LRRC20: variants seen among roughly 807,000 people sequenced by gnomAD.
The protein encoded by LRRC20 is leucine-rich repeat-containing protein 20.
LRRC20 carries 11 observed loss-of-function variants against 14.4 expected under a neutral mutation model. That is an observed-to-expected ratio of 0.77 (90% CI 0.48 to 1.27). The LOEUF (loss-of-function observed/expected upper bound fraction) is 1.27, where lower values mean the gene tolerates loss of function less well. Among genes scored for constraint, LRRC20 ranks in the 50% most tolerant of loss-of-function variants. The pLI is 0.00. For synonymous variants in LRRC20, 121 were observed against 107.3 expected (o/e 1.13, Z -0.79); for missense variants, 219 against 251.2 (o/e 0.87, Z 0.87).
chr10:70,347,378 A>G (rs1843113509), intron 2 of LRRC20, among the ~76,000 whole-genome samples: 2 of 152,080 alleles, frequency 1.3e-5, no homozygotes, highest in African/African-American at 4.8e-5. Context: ...AAGCCATGCA[A>G]GTTATTTCCA....
chr10:70,301,931 T>C (rs1442175608), intron 4 of LRRC20, among the ~76,000 whole-genome samples: 1 of 152,206 alleles, frequency 6.6e-6, no homozygotes, highest in Non-Finnish European at 1.5e-5. Flanking sequence ...TCCATATATA[T>C]GTCCATATAT....
At position 70,299,891 on chromosome 10, in the gene LRRC20, TC is replaced by T. The variant is rs1306804893; in HGVS notation, c.*1462del. 2 of 152,270 alleles carry T rather than the reference TC, an allele frequency of 1.3e-5. No homozygotes were observed. Among genetic ancestry groups the T allele is most frequent in the East Asian group, 3.8e-4 (2 of 5,198 alleles). 9.4% of individuals were successfully genotyped at this position (152,270 alleles called of 1,614,324 possible). On this transcript the variant is annotated 3_prime_UTR_variant, in exon 5 of 5. Coordinates refer to ENST00000446961, the MANE Select transcript of LRRC20 (RefSeq NM_001278212.2). ...CCCAACAATGGCCCGACCTATCAGT[TC>T]CTTCCCAAGAGACAAGAGACCTGGG...
intron 4 of LRRC20, among the ~76,000 whole-genome samples, chr10:70,316,540 A>G (rs959901908): frequency 1.3e-5 from 2 of 152,260 alleles, no homozygotes; most frequent in African/African-American, 4.8e-5. Context: ...TGGTTCATCC[A>G]GGTTTCACCA....
At chr10:70,325,905 A>C (rs920525409) in intron 3 of LRRC20, among the ~76,000 whole-genome samples, 1 of 151,982 alleles carries the variant, frequency 6.6e-6, no homozygotes, top group African/African-American at 2.4e-5. Flanking sequence ...TATGAATTTC[A>C]TGATTCTACA....
intron 4 of LRRC20, among the ~76,000 whole-genome samples, chr10:70,317,323 C>A (rs950232398): frequency 1.4e-4 from 21 of 146,802 alleles, no homozygotes; most frequent in African/African-American, 5.0e-4. Context: ...CTTCTGTTTT[C>A]ACCATGGGAG....
At chr10:70,316,161 C>G (rs746987331) in intron 4 of LRRC20, among the ~76,000 whole-genome samples, 2 of 152,130 alleles carry the variant, frequency 1.3e-5, no homozygotes, top group Non-Finnish European at 2.9e-5. Flanking sequence ...GAGACATAGT[C>G]TGGCTCTGTC....
At chr10:70,305,014 G>A (rs952005527) in intron 4 of LRRC20, among the ~76,000 whole-genome samples, 1 of 152,094 alleles carries the variant, frequency 6.6e-6, no homozygotes, top group Non-Finnish European at 1.5e-5. Flanking sequence ...GTGAAACCCT[G>A]TCTCTACTAA....
At chr10:70,362,331 T>A (rs7071129) in intron 2 of LRRC20, among the ~76,000 whole-genome samples, 1 of 152,230 alleles carries the variant, frequency 6.6e-6, no homozygotes, top group Non-Finnish European at 1.5e-5. Context: ...GGACTGATAG[T>A]CTGGGCTGTA....
chr10:70,301,428 G>T lies in LRRC20; in HGVS notation c.481C>A (p.Arg161Ser). 6.2e-7 allele frequency: 1 copy of T among 1,613,800 alleles called. No individual in the cohort carries two copies. Among genetic ancestry groups the T allele is most frequent in the East Asian group, 2.2e-5 (1 of 44,890 alleles). ...TTGATGAGCGGCGGGGCGATCACGC[G>T]CACCTCGGCGTTGAGTGGGTTGAAG... is the stretch of plus-strand genomic sequence containing the variant. ...LRFNPLNAEV[R>S]VIAPPLIKFD... Residue 161 changes from arginine to serine, a missense_variant, in exon 5 of 5, where the codon CGC becomes AGC. By Grantham distance (110) the Arg-to-Ser change is moderately radical (BLOSUM62 -1). Coordinates refer to ENST00000446961, the MANE Select transcript of LRRC20 (RefSeq NM_001278212.2).
rs1842618977 is a variant in LRRC20, at chr10:70,333,624, A to G, written c.232+6929T>C. Among the ~76,000 whole-genome samples the G allele has an allele frequency of 2.0e-5, 3 of 152,178 alleles. No individual in the cohort carries two copies. In the South Asian group the frequency reaches 6.2e-4, roughly 32 times the overall value. The stretch of plus-strand genomic sequence containing the variant: ...AGAAGCAGCCATGCAGGGGTCACAA[A>G]CAGTTTGGCCTTTGCTTCACTGAGG... On this transcript the variant is annotated intron_variant, in intron 3 of 4. Coordinates refer to ENST00000446961, the MANE Select transcript of LRRC20 (RefSeq NM_001278212.2).
chr10:70,345,513 G>C (rs1843043156), intron 2 of LRRC20, among the ~76,000 whole-genome samples: 1 of 151,476 alleles, frequency 6.6e-6, no homozygotes, highest in South Asian at 2.1e-4. Flanking sequence ...AAAGAGTAAA[G>C]CAAACAACAG....
intron 3 of LRRC20, among the ~76,000 whole-genome samples, chr10:70,334,587 AC>A (rs985348076): frequency 6.6e-6 from 1 of 151,962 alleles, no homozygotes; most frequent in African/African-American, 2.4e-5. Flanking sequence ...TCCTGACCAC[AC>A]GTGGACAGCA....
At chr10:70,305,235 A>G (rs1589933438) in intron 4 of LRRC20, among the ~76,000 whole-genome samples, 1 of 152,314 alleles carries the variant, frequency 6.6e-6, no homozygotes, top group Non-Finnish European at 1.5e-5. Context: ...TCATAACGTG[A>G]ATGAACCTTG....
chr10:70,319,098 T>C (rs771569079), intron 4 of LRRC20, among the ~76,000 whole-genome samples: 11 of 150,548 alleles, frequency 7.3e-5, no homozygotes, highest in Non-Finnish European at 1.5e-4. Context: ...TGAGCCACCA[T>C]GCCCAACTTA....
At chr10:70,304,470 T>TTATATAGATAGATA in intron 4 of LRRC20, among the ~76,000 whole-genome samples, 1 of 113,826 alleles carries the variant, frequency 8.8e-6, no homozygotes, top group African/African-American at 3.0e-5. Context: ...GGCCACTTCT[T>TTATATAGATAGATA]TATATATATA....
chr10:70,327,216 A>T (rs1842361570), intron 3 of LRRC20, among the ~76,000 whole-genome samples: 1 of 152,214 alleles, frequency 6.6e-6, no homozygotes, highest in Non-Finnish European at 1.5e-5. Flanking sequence ...AGCTGGTCAA[A>T]CATGATTTCT....
chr10:70,317,029 C>G (rs1564615518), intron 4 of LRRC20, among the ~76,000 whole-genome samples: 1 of 152,246 alleles, frequency 6.6e-6, no homozygotes, highest in Non-Finnish European at 1.5e-5. Flanking sequence ...TGGCTGTGCT[C>G]AGGGGGCAAT....
At chr10:70,380,814 C>T (rs190510201) in intron 1 of LRRC20, among the ~76,000 whole-genome samples, 100 of 152,340 alleles carry the variant, frequency 6.6e-4, no homozygotes, top group African/African-American at 2.3e-3. Flanking sequence ...GGACACCTTC[C>T]ATAAGGCCCC....
At chr10:70,359,733 A>G (rs1006977042) in intron 2 of LRRC20, among the ~76,000 whole-genome samples, 14 of 151,894 alleles carry the variant, frequency 9.2e-5, no homozygotes, top group African/African-American at 2.9e-4. Flanking sequence ...CCACCTCTAC[A>G]TTTTTGCTGG....
Sources: gnomAD v4.1 joint callset for allele counts (sites outside exome capture counted in the v4.1 genomes callset) on GRCh38, gnomAD v4.1.1 for gene constraint, MANE v1.5 for transcripts, NCBI Gene and HGNC (gene_info 2026-07-23, HGNC 2026-07-21) for gene names.